Variants in PUM3 observed in about 807,000 individuals in gnomAD.
The protein encoded by PUM3 is pumilio homolog 3.
PUM3 carries 91 observed loss-of-function variants against 84.0 expected under a neutral mutation model. The observed-to-expected ratio is 1.08, with a 90% CI of 0.91 to 1.29. The LOEUF (loss-of-function observed/expected upper bound fraction) is 1.29. Ranked by LOEUF, PUM3 falls within the 50% of genes most tolerant of loss-of-function variation. The pLI, the probability that PUM3 is intolerant of heterozygous loss-of-function variation, is 0.00. For missense variants in PUM3, 1,067 were observed against 767.5 expected, an observed-to-expected ratio of 1.39 and a Z score of -4.61; for synonymous variants, 321 against 266.7, an observed-to-expected ratio of 1.20 and a Z score of -1.98.
At chr9:2,820,376 A>G (rs1249781410) in intron 12 of PUM3, among the ~76,000 whole-genome samples, 1 of 152,150 alleles carries the variant, frequency 6.6e-6, no homozygotes, top group Non-Finnish European at 1.5e-5. Context: ...TCTAAAACTA[A>G]TACCTATTTA....
intron 16 of PUM3, among the ~76,000 whole-genome samples, chr9:2,809,311 C>T (rs1821319365): frequency 6.6e-6 from 1 of 152,158 alleles, no homozygotes. Context: ...GTTCTCAGCA[C>T]ATTTTAATTA....
At chr9:2,828,552 C>T in intron 9 of PUM3, 123 bp downstream of exon 9, 1 of 628,592 alleles carries the variant, frequency 1.6e-6, no homozygotes, top group Non-Finnish European at 2.8e-6. Flanking sequence ...CTTTTGCACT[C>T]TTATTTAGAA....
At chr9:2,822,183 C>G (rs907972186) in intron 12 of PUM3, among the ~76,000 whole-genome samples, 3 of 152,122 alleles carry the variant, frequency 2.0e-5, no homozygotes, top group African/African-American at 7.2e-5. Context: ...ACATGTTTCT[C>G]TCAGCAACTG....
intron 13 of PUM3, among the ~76,000 whole-genome samples, chr9:2,818,245 A>C (rs1273587414): frequency 6.6e-6 from 1 of 152,246 alleles, no homozygotes; most frequent in Non-Finnish European, 1.5e-5. Flanking sequence ...AACCTGTTGA[A>C]CGTTTGTCAG....
At chr9:2,815,833 C>G (rs1220631637) in intron 13 of PUM3, among the ~76,000 whole-genome samples, 2 of 152,144 alleles carry the variant, frequency 1.3e-5, no homozygotes, top group Non-Finnish European at 2.9e-5. Flanking sequence ...ACAGAAAATT[C>G]ACAAAGGCCC....
At chr9:2,814,961 T>G (rs1821442752) in intron 13 of PUM3, among the ~76,000 whole-genome samples, 1 of 152,198 alleles carries the variant, frequency 6.6e-6, no homozygotes, top group African/African-American at 2.4e-5. Flanking sequence ...ACAGCTTCCA[T>G]GCTTAGGGAC....
Position 2,833,320 on chromosome 9 carries a change from C to A in PUM3, c.516+37G>T, listed in dbSNP as rs748426068. On this transcript the variant is annotated intron_variant, in intron 5 of 17. Coordinates refer to ENST00000397885, the MANE Select transcript of PUM3 (RefSeq NM_014878.5). Reference sequence around the variant, plus strand: ...ACTCCTGAGAGTGAGGCAACTTCAACTGTTAAAAATTGCAACAATGAGTAT... The same window carrying A: ...ACTCCTGAGAGTGAGGCAACTTCAAATGTTAAAAATTGCAACAATGAGTAT... The A allele has an allele frequency of 2.4e-5, 27 of 1,129,722 alleles. No homozygotes were observed. In the Admixed American group the frequency reaches 3.2e-4, roughly 13 times the overall value. 70.0% of individuals were successfully genotyped at this position (1,129,722 alleles called of 1,614,324 possible).
intron 13 of PUM3, among the ~76,000 whole-genome samples, chr9:2,818,655 TAA>T (rs1316652205): frequency 9.8e-5 from 15 of 152,292 alleles, no homozygotes; most frequent in African/African-American, 3.4e-4. Context: ...AAAAGGGTAA[TAA>T]AGTCACAAGG....
intron 13 of PUM3, among the ~76,000 whole-genome samples, chr9:2,815,908 A>C (rs1821458189): frequency 1.3e-5 from 2 of 152,222 alleles, no homozygotes; most frequent in Admixed American, 1.3e-4. Flanking sequence ...TGGGAATTAC[A>C]AAAGACTTCC....
At chr9:2,830,800 G>C (rs949708083) in intron 7 of PUM3, among the ~76,000 whole-genome samples, 162 bp downstream of exon 7, 13 of 152,120 alleles carry the variant, frequency 8.5e-5, no homozygotes, top group Non-Finnish European at 1.5e-4. Context: ...TTCGATAATT[G>C]TATTTAAGAT....
At chr9:2,811,194 G>A (rs867610528) in intron 15 of PUM3, among the ~76,000 whole-genome samples, 167 bp downstream of exon 15, 1 of 152,190 alleles carries the variant, frequency 6.6e-6, no homozygotes, top group Non-Finnish European at 1.5e-5. Context: ...GACCCAGATG[G>A]TTAGAGAAAA....
intron 3 of PUM3, among the ~76,000 whole-genome samples, chr9:2,835,998 G>T (rs912810424): frequency 6.6e-6 from 1 of 152,086 alleles, no homozygotes; most frequent in African/African-American, 2.4e-5. Context: ...AGAGAAAGTA[G>T]AAAAGAGAGC....
chr9:2,805,771 C>A (rs1481238258), intron 17 of PUM3, among the ~76,000 whole-genome samples: 1 of 151,826 alleles, frequency 6.6e-6, no homozygotes. Context: ...TTCATAACGA[C>A]CATAGGGTTA....
intron 15 of PUM3, among the ~76,000 whole-genome samples, chr9:2,810,735 C>T (rs1024028084): frequency 6.6e-6 from 1 of 152,196 alleles, no homozygotes; most frequent in Admixed American, 6.5e-5. Flanking sequence ...TAATGCTAAT[C>T]ACGTCTTGGA....
At chr9:2,837,065 T>G (rs1418794676) in intron 3 of PUM3, 115 bp downstream of exon 3, 1 of 838,288 alleles carries the variant, frequency 1.2e-6, no homozygotes, top group African/African-American at 1.7e-5. Context: ...GCCACCTACC[T>G]GTCCCAAAAT....
intron 12 of PUM3, among the ~76,000 whole-genome samples, chr9:2,820,596 T>G (rs1271051498): frequency 2.6e-5 from 4 of 152,106 alleles, no homozygotes; most frequent in Non-Finnish European, 5.9e-5. Flanking sequence ...AGGCAAGGCA[T>G]TGTAATAGTC....
At chr9:2,832,914 G>C (rs1875439) in intron 5 of PUM3, among the ~76,000 whole-genome samples, 98,049 of 152,050 alleles carry the variant, frequency 0.64, 32,769 homozygotes, top group African/African-American at 0.83. Context: ...TTAGAATTCT[G>C]AAATGATTAT....
chr9:2,834,892 CCAAA>C (rs1338061957), intron 3 of PUM3, among the ~76,000 whole-genome samples: 5 of 151,948 alleles, frequency 3.3e-5, no homozygotes, highest in Admixed American at 2.0e-4. Context: ...ACTAATGATG[CCAAA>C]CAAAGAACAA....
rs141629408 is a variant in PUM3, at chr9:2,817,854, T to C, written c.1269+2164A>G. On this transcript the variant is annotated intron_variant, in intron 13 of 17. Coordinates refer to ENST00000397885, the MANE Select transcript of PUM3 (RefSeq NM_014878.5). ...CAATGGCTTTAAAAATATGCATCAATATTTATTCACCCTCAAACAGCAATT... is the reference window on the plus strand; with the variant it reads ...CAATGGCTTTAAAAATATGCATCAACATTTATTCACCCTCAAACAGCAATT... Among the ~76,000 whole-genome samples the C allele has an allele frequency of 2.1e-4, 32 of 152,338 alleles. No homozygotes were observed. In the East Asian group the frequency reaches 5.2e-3, roughly 25 times the overall value.
Sources: gnomAD v4.1 joint callset for allele counts (sites outside exome capture counted in the v4.1 genomes callset) on GRCh38, gnomAD v4.1.1 for gene constraint, MANE v1.5 for transcripts, NCBI Gene and HGNC (gene_info 2026-07-23, HGNC 2026-07-21) for gene names.